KCNIP1: variants seen among roughly 807,000 people sequenced by gnomAD.
KCNIP1 encodes potassium voltage-gated channel interacting protein 1.
Under a neutral mutation model 33.0 loss-of-function variants are expected in KCNIP1, and 18 were observed. The observed-to-expected ratio is 0.55, with a 90% CI of 0.38 to 0.81. The LOEUF (loss-of-function observed/expected upper bound fraction) is 0.81, where lower values mean the gene tolerates loss of function less well. Among genes scored for constraint, KCNIP1 ranks in the 30% least tolerant of loss-of-function variants. KCNIP1 has a pLI of 0.00. For missense variants in KCNIP1, 238 were observed against 271.6 expected (o/e 0.88, Z 0.87); for synonymous variants, 93 against 98.3 (o/e 0.95, Z 0.32).
chr5:170,463,583 A>C (rs953496410), intron 1 of KCNIP1, among the ~76,000 whole-genome samples: 1 of 152,210 alleles, frequency 6.6e-6, no homozygotes, highest in Non-Finnish European at 1.5e-5. Flanking sequence ...TGATCATCTT[A>C]TTAGACACAG....
At chr5:170,373,718 G>A (rs947341331) in intron 1 of KCNIP1, among the ~76,000 whole-genome samples, 1 of 152,144 alleles carries the variant, frequency 6.6e-6, no homozygotes, top group Non-Finnish European at 1.5e-5. Context: ...TTGCTACCTC[G>A]GCATTCAGAC....
intron 1 of KCNIP1, among the ~76,000 whole-genome samples, chr5:170,363,824 C>G (rs183259516): frequency 6.6e-6 from 1 of 152,176 alleles, no homozygotes; most frequent in Admixed American, 6.5e-5. Flanking sequence ...TTTTTCTTCT[C>G]GCAAAACTGA....
chr5:170,443,906 G>A (rs950784656), intron 1 of KCNIP1, among the ~76,000 whole-genome samples: 3 of 152,202 alleles, frequency 2.0e-5, no homozygotes, highest in African/African-American at 4.8e-5. Context: ...GGCAGGGGTG[G>A]GGGCTGGGGT....
chr5:170,714,092 T>C (rs946473764), intron 1 of KCNIP1, among the ~76,000 whole-genome samples: 9 of 151,724 alleles, frequency 5.9e-5, no homozygotes, highest in African/African-American at 1.9e-4. Flanking sequence ...GGAGGCACTA[T>C]TGGCCAGTCC....
At chr5:170,643,665 T>C (rs1337023733) in intron 1 of KCNIP1, among the ~76,000 whole-genome samples, 1 of 152,236 alleles carries the variant, frequency 6.6e-6, no homozygotes, top group African/African-American at 2.4e-5. Context: ...AGACCTCAGC[T>C]TCTAGGGCAG....
intron 1 of KCNIP1, among the ~76,000 whole-genome samples, chr5:170,529,135 A>G (rs1367319136): frequency 6.6e-6 from 1 of 152,236 alleles, no homozygotes; most frequent in Non-Finnish European, 1.5e-5. Context: ...AACTTCAGGC[A>G]GAGCTGAATA....
intron 1 of KCNIP1, among the ~76,000 whole-genome samples, chr5:170,528,636 G>A (rs1755669112): frequency 6.6e-6 from 1 of 152,164 alleles, no homozygotes; most frequent in African/African-American, 2.4e-5. Flanking sequence ...TGGGATGTCA[G>A]ACTTAATAGT....
intron 1 of KCNIP1, among the ~76,000 whole-genome samples, chr5:170,388,970 G>T (rs1480410236): frequency 6.6e-6 from 1 of 152,182 alleles, no homozygotes; most frequent in Non-Finnish European, 1.5e-5. Context: ...CTCTACCGGT[G>T]ACAAGTGCCA....
At chr5:170,652,188 T>G (rs1647291576) in intron 1 of KCNIP1, among the ~76,000 whole-genome samples, 1 of 151,970 alleles carries the variant, frequency 6.6e-6, no homozygotes, top group Non-Finnish European at 1.5e-5. Context: ...TGGCCAAGAA[T>G]AGAAGACCTG....
rs34976967 is a variant in KCNIP1 at position 170,608,760 on chromosome 5, C to CA, written c.61+104142dup. Among the ~76,000 whole-genome samples the CA allele has an allele frequency of 2.3e-3, 326 of 141,448 alleles. 2 individuals are homozygous for CA. The highest frequency in any genetic ancestry group is 4.6e-3 in the African/African-American group (170 of 37,328). The allele number at this position is 141,448 out of a possible 152,430, so 92.8% of individuals were successfully genotyped here. A position where few individuals can be genotyped will look rare whatever the true frequency, so the allele number is the denominator to read the frequency against. ...CCTGGGCGACAGGGTGAAACTGTCT[C>CA]AAAAAAAAAAAAAAATTAATGCAAA... On this transcript the variant is annotated intron_variant, in intron 1 of 7. Coordinates refer to ENST00000328939, the MANE Select transcript of KCNIP1 (RefSeq NM_014592.4).
chr5:170,515,543 C>G (rs1260954683), intron 1 of KCNIP1, among the ~76,000 whole-genome samples: 1 of 152,232 alleles, frequency 6.6e-6, no homozygotes, highest in African/African-American at 2.4e-5. Context: ...AAACCTATAG[C>G]ATGCTATGTG....
chr5:170,370,434 T>C (rs1763814444), intron 1 of KCNIP1, among the ~76,000 whole-genome samples: 1 of 152,220 alleles, frequency 6.6e-6, no homozygotes, highest in South Asian at 2.1e-4. Context: ...ATTCAAACTC[T>C]TGTTTTCCTG....
chr5:170,416,602 G>A (rs1755336501), intron 1 of KCNIP1, among the ~76,000 whole-genome samples: 1 of 149,514 alleles, frequency 6.7e-6, no homozygotes, highest in South Asian at 2.1e-4. Context: ...TTAAAATGGA[G>A]AAGATCAGGC....
chr5:170,494,684 G>C (rs774295527), intron 1 of KCNIP1, among the ~76,000 whole-genome samples: 12 of 152,150 alleles, frequency 7.9e-5, no homozygotes, highest in Non-Finnish European at 1.8e-4. Context: ...CTCTGACCCA[G>C]TACCAACTCC....
chr5:170,412,567 C>T (rs1021365653), intron 1 of KCNIP1, among the ~76,000 whole-genome samples: 8 of 152,050 alleles, frequency 5.3e-5, no homozygotes, highest in Admixed American at 2.6e-4. Flanking sequence ...GGAGATTTGC[C>T]CCAAGATCGT....
intron 1 of KCNIP1, among the ~76,000 whole-genome samples, chr5:170,534,529 A>T (rs1300652359): frequency 6.6e-6 from 1 of 151,818 alleles, no homozygotes; most frequent in South Asian, 2.1e-4. Flanking sequence ...AAGGAGAAGG[A>T]GGTGGCAGAG....
intron 1 of KCNIP1, among the ~76,000 whole-genome samples, chr5:170,610,692 A>T (rs1759112357): frequency 6.6e-6 from 1 of 152,174 alleles, no homozygotes; most frequent in Non-Finnish European, 1.5e-5. Context: ...TATTCCATGG[A>T]GTTGCTGTAA....
intron 3 of KCNIP1, 126 bp downstream of exon 3, chr5:170,720,516 C>T: frequency 1.4e-6 from 1 of 739,488 alleles, no homozygotes; most frequent in South Asian, 1.6e-5. Flanking sequence ...CAGGGCAGGA[C>T]ACCTCCCTCA....
chr5:170,364,467 T>C (rs890468737), intron 1 of KCNIP1, among the ~76,000 whole-genome samples: 6 of 152,274 alleles, frequency 3.9e-5, no homozygotes, highest in Admixed American at 3.3e-4. Flanking sequence ...TCATATACGA[T>C]TATAATCCCC....
Sources: gnomAD v4.1 joint callset for allele counts (sites outside exome capture counted in the v4.1 genomes callset) on GRCh38, gnomAD v4.1.1 for gene constraint, MANE v1.5 for transcripts, NCBI Gene and HGNC (gene_info 2026-07-23, HGNC 2026-07-21) for gene names.